The following CAMSAP1 variants were observed in gnomAD, a reference collection of about 807,000 sequenced individuals.
CAMSAP1 encodes calmodulin regulated spectrin associated protein 1.
A neutral mutation model predicts 143.5 loss-of-function variants in CAMSAP1; 58 were observed. That is an observed-to-expected ratio of 0.40 (90% CI 0.33 to 0.50). The LOEUF is 0.50. Ranked by LOEUF, CAMSAP1 falls within the 20% of genes least tolerant of loss-of-function variation. The pLI, the probability that CAMSAP1 is intolerant of heterozygous loss-of-function variation, is 0.45. For synonymous variants in CAMSAP1, 945 were observed against 859.3 expected (o/e 1.10, Z -1.74); for missense variants, 1,969 against 2,115.7 (o/e 0.93, Z 1.36).
intron 5 of CAMSAP1, 96 bp downstream of exon 5, chr9:135,862,365 TTCTTTC>T: frequency 7.6e-7 from 1 of 1,316,844 alleles, no homozygotes. Flanking sequence ...GGATTCCATT[TTCTTTC>T]TCTTTTTTTT....
rs144732198 is a variant in CAMSAP1 at position 135,821,865 on chromosome 9, C to T, written c.2796G>A (p.Pro932=). Residue 932 remains proline, a synonymous_variant, in exon 11 of 17, where the codon CCG becomes CCA. Transcript: ENST00000389532. The surrounding 1 kb of genome is among the most constrained non-coding windows in gnomAD (Gnocchi z 4.6). ...GAGAGTACTCCTTTGCAAAGTGCTC[C>T]GGCCTGAGGGGTGGGGCAGCCTCGG... The part of the protein sequence containing the change: ...GKAEAAPPLR[P]EHFAKEYSQH... 1.1e-4 allele frequency: 181 copies of T among 1,613,920 alleles called. No homozygotes were observed. Among genetic ancestry groups the T allele is most frequent in the East Asian group, 2.4e-4 (11 of 44,902 alleles).
intron 3 of CAMSAP1, among the ~76,000 whole-genome samples, chr9:135,874,677 A>C (rs1489525730): frequency 2.0e-5 from 3 of 152,154 alleles, no homozygotes; most frequent in African/African-American, 7.2e-5. Flanking sequence ...TAAGGCAAAA[A>C]AAAAACCTTT....
At chr9:135,885,594 A>G (rs999089110) in intron 1 of CAMSAP1, among the ~76,000 whole-genome samples, 5 of 152,242 alleles carry the variant, frequency 3.3e-5, no homozygotes, top group African/African-American at 1.2e-4. Context: ...CCAGACAGGA[A>G]AAAGCAACCA....
chr9:135,843,512 C>G (rs1375004039), intron 7 of CAMSAP1, among the ~76,000 whole-genome samples: 1 of 152,006 alleles, frequency 6.6e-6, no homozygotes, highest in Non-Finnish European at 1.5e-5. Flanking sequence ...ATAAAACAGA[C>G]TTTAAACCAA....
At chr9:135,906,907 G>T in intron 1 of CAMSAP1, 93 bp downstream of exon 1, 2 of 764,394 alleles carry the variant, frequency 2.6e-6, no homozygotes, top group Non-Finnish European at 3.2e-6. Context: ...CAAAGGCGCG[G>T]CGCGCGGACC....
intron 1 of CAMSAP1, among the ~76,000 whole-genome samples, chr9:135,895,248 A>G (rs1012501963): frequency 6.3e-4 from 96 of 152,002 alleles, no homozygotes; most frequent in Non-Finnish European, 1.8e-4. Context: ...AACTGAGTGA[A>G]CTCCAAAAAA....
intron 1 of CAMSAP1, among the ~76,000 whole-genome samples, chr9:135,888,356 A>G (rs574225664): frequency 6.6e-6 from 1 of 152,306 alleles, no homozygotes; most frequent in South Asian, 2.1e-4. Flanking sequence ...GGGGCTCGGG[A>G]GGAGGTGTCC....
intron 11 of CAMSAP1, 75 bp from the exon 12 acceptor site, chr9:135,819,221 G>T: frequency 6.7e-7 from 1 of 1,499,562 alleles, no homozygotes. Context: ...CGACCCAGCA[G>T]CCGACTTCCA....
At chr9:135,864,345 CTTCTTA>C (rs1837301379) in intron 4 of CAMSAP1, among the ~76,000 whole-genome samples, 1 of 152,194 alleles carries the variant, frequency 6.6e-6, no homozygotes, top group Non-Finnish European at 1.5e-5. Context: ...TTTCCTCTTT[CTTCTTA>C]TTAATATATT....
At chr9:135,903,584 T>C (rs1463535473) in intron 1 of CAMSAP1, among the ~76,000 whole-genome samples, 2 of 152,196 alleles carry the variant, frequency 1.3e-5, no homozygotes, top group African/African-American at 2.4e-5. Flanking sequence ...AAAAGGCTAA[T>C]GCAAAACAAG....
rs374893562 is a variant in CAMSAP1, at chr9:135,821,588, C to G, written c.3073G>C (p.Glu1025Gln). ...VDVNECDLSI[E>Q]KLNETISTLQ... Reference sequence around the variant, plus strand: ...GTACTGATGGTTTCGTTAAGCTTCTCGATGGAAAGGTCACATTCATTCACG... The same window carrying G: ...GTACTGATGGTTTCGTTAAGCTTCTGGATGGAAAGGTCACATTCATTCACG... Residue 1025 changes from glutamate to glutamine, a missense_variant, in exon 11 of 17, where the codon GAG becomes CAG. Glu to Gln is a conservative substitution (Grantham distance 29). Around this residue, in one of 4 missense-constraint regions of CAMSAP1, gnomAD observed 1,390 missense variants for 1,420.8 expected, o/e 0.98. Coordinates refer to ENST00000389532, the MANE Select transcript of CAMSAP1 (RefSeq NM_015447.4). This position sits in a 1 kb window ranked among gnomAD's most constrained non-coding sequence, Gnocchi z 4.6. The G allele has an allele frequency of 5.0e-6, 8 of 1,613,988 alleles. No individual in the cohort carries two copies. The highest frequency in any genetic ancestry group is 2.2e-5 in the South Asian group (2 of 91,086).
intron 1 of CAMSAP1, among the ~76,000 whole-genome samples, chr9:135,886,592 G>C (rs1329481465): frequency 6.6e-6 from 1 of 152,268 alleles, no homozygotes; most frequent in Admixed American, 6.5e-5. Context: ...GAGGACCTGG[G>C]CCCTGCGGGA....
At position 135,815,233 on chromosome 9, in the gene CAMSAP1, G is replaced by C. The variant is rs375785500; in HGVS notation, c.4388-18C>G. 2.6e-6 allele frequency: 4 copies of C among 1,546,988 alleles called. No individual in the cohort carries two copies. Among genetic ancestry groups the C allele is most frequent in the Non-Finnish European group, 2.6e-6 (3 of 1,135,652 alleles). On this transcript the variant is annotated intron_variant, in intron 15 of 16. Coordinates refer to ENST00000389532, the MANE Select transcript of CAMSAP1 (RefSeq NM_015447.4). ...CTTGGGACCTAAGAAACGAGGCCAG[G>C]GTTGGTAAAATTATTATTTTAAGGC...
chr9:135,870,930 T>TA, intron 3 of CAMSAP1, among the ~76,000 whole-genome samples: 1 of 152,382 alleles, frequency 6.6e-6, no homozygotes, highest in East Asian at 1.9e-4. Context: ...TCCACATAAT[T>TA]AATCTTTGAG....
chr9:135,849,570 T>C (rs1204006600), intron 7 of CAMSAP1, among the ~76,000 whole-genome samples: 1 of 152,226 alleles, frequency 6.6e-6, no homozygotes, highest in Non-Finnish European at 1.5e-5. Flanking sequence ...TTATATATTC[T>C]GGATACTAGT....
At chr9:135,890,186 G>C (rs977494288) in intron 1 of CAMSAP1, among the ~76,000 whole-genome samples, 1 of 151,894 alleles carries the variant, frequency 6.6e-6, no homozygotes, top group Admixed American at 6.6e-5. Flanking sequence ...TGGAGGCTCC[G>C]CATGTACAAC....
intron 7 of CAMSAP1, among the ~76,000 whole-genome samples, chr9:135,847,237 C>T (rs1836587905): frequency 6.6e-6 from 1 of 151,902 alleles, no homozygotes; most frequent in African/African-American, 2.4e-5. Flanking sequence ...CACCTGTAGT[C>T]CCAGCTACTT....
chr9:135,867,489 T>TAA lies in CAMSAP1; in HGVS notation c.586-955_586-954dup, dbSNP rs140462483. On this transcript the variant is annotated intron_variant, in intron 3 of 16. Coordinates refer to ENST00000389532, the MANE Select transcript of CAMSAP1 (RefSeq NM_015447.4). ...GCAAGACCCCCCTCTTTTTTTTTTT[T>TAA]AAAAAAAAAGTCTGTAAAGCTAATC... Among the ~76,000 whole-genome samples the TAA allele has an allele frequency of 4.2e-3, 600 of 142,604 alleles. 7 individuals are homozygous for TAA. Among genetic ancestry groups the TAA allele is most frequent in the African/African-American group, 0.015 (580 of 38,884 alleles). The allele number at this position is 142,604 out of a possible 152,430, so 93.6% of individuals were successfully genotyped here.
chr9:135,863,511 T>A (rs760880711), intron 4 of CAMSAP1, among the ~76,000 whole-genome samples: 1 of 152,154 alleles, frequency 6.6e-6, no homozygotes, highest in Non-Finnish European at 1.5e-5. Flanking sequence ...AAACCAGCAA[T>A]CTACAATAAA....
Sources: allele counts gnomAD v4.1 joint callset (sites outside exome capture counted in the v4.1 genomes callset), GRCh38; gene constraint gnomAD v4.1.1; regional missense constraint gnomAD v4.1.1; non-coding constraint Gnocchi (gnomAD v3.1); transcripts MANE v1.5; gene names NCBI Gene and HGNC (gene_info 2026-07-23, HGNC 2026-07-21).